MRTFA: variants seen among roughly 807,000 people sequenced by gnomAD.
MRTFA encodes myocardin related transcription factor A, also known as myocardin-related transcription factor A.
A neutral mutation model predicts 83.5 loss-of-function variants in MRTFA; 20 were observed. The observed-to-expected ratio is 0.24, with a 90% CI of 0.17 to 0.35. The LOEUF (loss-of-function observed/expected upper bound fraction) is 0.35, where lower values mean the gene tolerates loss of function less well. Ranked by LOEUF, MRTFA falls within the 10% of genes least tolerant of loss-of-function variation. MRTFA has a pLI of 1.00. For synonymous variants in MRTFA, 659 were observed against 541.2 expected (o/e 1.22, Z -3.02); for missense variants, 1,200 against 1,224.7 (o/e 0.98, Z 0.30).
Position 40,488,648 on chromosome 22 carries a change from G to A in MRTFA, c.242-25362C>T, listed in dbSNP as rs59297850. On this transcript the variant is annotated intron_variant, in intron 3 of 14. Transcript: ENST00000355630. ...GGAGTTCGAGACCAGCCTGGCTAAC[G>A]TGGTGAAACCCTGTCTCTACTAAAA... is the stretch of plus-strand genomic sequence containing the variant. Among the ~76,000 whole-genome samples the A allele has an allele frequency of 6.9e-3, 1,047 of 152,086 alleles. 11 individuals are homozygous for A. Among genetic ancestry groups the A allele is most frequent in the African/African-American group, 0.024 (1,004 of 41,476 alleles).
intron 1 of MRTFA, among the ~76,000 whole-genome samples, chr22:40,607,900 G>A (rs1602489741): frequency 6.6e-6 from 1 of 152,304 alleles, no homozygotes; most frequent in African/African-American, 2.4e-5. Context: ...CTGAGATTTA[G>A]ACTTTGGGAT....
In MRTFA at chr22:40,546,876, C is replaced by T. The variant is rs969924994; in HGVS notation, c.241+5230G>A. Among the ~76,000 whole-genome samples, 11 of 152,258 alleles carry T rather than the reference C, an allele frequency of 7.2e-5. No individual in the cohort carries two copies. The East Asian group carries it at 2.1e-3, about 29-fold the overall frequency. On this transcript the variant is annotated intron_variant, in intron 3 of 14. Transcript: ENST00000355630. ...TGATTCATTCAATAAATATTTATTG[C>T]CAGGCGCGGTGGATCACGCCTGTAA...
intron 2 of MRTFA, among the ~76,000 whole-genome samples, chr22:40,591,079 G>A (rs9623196): frequency 0.012 from 1,847 of 152,234 alleles, 31 homozygotes; most frequent in African/African-American, 0.042. Flanking sequence ...AGGCTGCAGT[G>A]AGCTGAGATC....
chr22:40,446,136 T>A (rs1272004765), intron 4 of MRTFA, among the ~76,000 whole-genome samples: 2 of 152,214 alleles, frequency 1.3e-5, no homozygotes, highest in African/African-American at 4.8e-5. Context: ...TGACACCAGA[T>A]CTGTCTTTGT....
intron 1 of MRTFA, among the ~76,000 whole-genome samples, chr22:40,602,677 TAAA>T (rs133031): frequency 5.4e-5 from 7 of 128,708 alleles, no homozygotes; most frequent in Non-Finnish European, 5.1e-5. Flanking sequence ...CATCTCCACT[TAAA>T]AAAAAAAAAA....
chr22:40,501,027 C>G (rs2054462698), intron 3 of MRTFA, among the ~76,000 whole-genome samples: 1 of 119,590 alleles, frequency 8.4e-6, no homozygotes, highest in African/African-American at 3.5e-5. Flanking sequence ...GGGGGGCTGA[C>G]CCCCCAACCT....
chr22:40,550,341 G>T (rs1340892441), intron 3 of MRTFA, among the ~76,000 whole-genome samples: 1 of 151,870 alleles, frequency 6.6e-6, no homozygotes, highest in Non-Finnish European at 1.5e-5. Context: ...CTTTGAAAAA[G>T]AAAAAGGTAA....
chr22:40,520,145 C>G (rs1476193777), intron 3 of MRTFA, among the ~76,000 whole-genome samples: 1 of 152,170 alleles, frequency 6.6e-6, no homozygotes, highest in Non-Finnish European at 1.5e-5. Context: ...TGCTGTCACT[C>G]TAGAGAAACC....
At chr22:40,430,966 A>G (rs948098318) in intron 6 of MRTFA, among the ~76,000 whole-genome samples, 1 of 152,084 alleles carries the variant, frequency 6.6e-6, no homozygotes, top group Non-Finnish European at 1.5e-5. Flanking sequence ...GGAGCACGGT[A>G]TATCACAGAC....
At chr22:40,424,081 A>G in intron 8 of MRTFA, 125 bp downstream of exon 8, 5 of 1,077,184 alleles carry the variant, frequency 4.6e-6, no homozygotes, top group Non-Finnish European at 6.4e-6. Flanking sequence ...CTAAGCAACT[A>G]GGGTAGCATC....
intron 3 of MRTFA, among the ~76,000 whole-genome samples, chr22:40,511,910 C>T (rs1269353830): frequency 6.6e-6 from 1 of 152,176 alleles, no homozygotes; most frequent in Non-Finnish European, 1.5e-5. Flanking sequence ...ATCCAGCCTT[C>T]CTTTTAAGGC....
intron 3 of MRTFA, among the ~76,000 whole-genome samples, chr22:40,478,495 C>T (rs1443930705): frequency 6.6e-6 from 1 of 152,156 alleles, no homozygotes; most frequent in African/African-American, 2.4e-5. Context: ...CACGGAGGGC[C>T]TTTTCCTCTT....
At chr22:40,561,267 G>C (rs1000573492) in intron 2 of MRTFA, among the ~76,000 whole-genome samples, 2 of 151,460 alleles carry the variant, frequency 1.3e-5, no homozygotes, top group Admixed American at 6.6e-5. Flanking sequence ...CAAATCAACT[G>C]AACAAGTGTT....
chr22:40,489,851 C>A (rs574685844), intron 3 of MRTFA, among the ~76,000 whole-genome samples: 53 of 151,172 alleles, frequency 3.5e-4, no homozygotes, highest in African/African-American at 1.3e-3. Flanking sequence ...TGGTGGCGAG[C>A]ACCTGTAATC....
chr22:40,429,637 A>G lies in MRTFA; in HGVS notation c.570T>C (p.Pro190=). ...TGGCTTCCTTCAGGCTGGACTCAAC[A>G]GGAAGGATGTTCTTCTCCACCAGCT... The change falls in exon 7 of 15, where the codon CCT becomes CCC. Residue 190 remains proline (P), a synonymous_variant. Coordinates refer to ENST00000355630, the MANE Select transcript of MRTFA (RefSeq NM_020831.6). The G allele has an allele frequency of 6.2e-7, 1 of 1,614,088 alleles. No individual in the cohort carries two copies. Among genetic ancestry groups the G allele is most frequent in the East Asian group, 2.2e-5 (1 of 44,872 alleles).
chr22:40,448,944 C>G (rs1190433990), intron 4 of MRTFA, among the ~76,000 whole-genome samples: 2 of 152,140 alleles, frequency 1.3e-5, no homozygotes, highest in Non-Finnish European at 2.9e-5. Flanking sequence ...ATCTTATATG[C>G]AAAAGCGTCA....
At chr22:40,516,968 G>A (rs1238381284) in intron 3 of MRTFA, among the ~76,000 whole-genome samples, 1 of 151,708 alleles carries the variant, frequency 6.6e-6, no homozygotes, top group Non-Finnish European at 1.5e-5. Context: ...TGTCACCCAG[G>A]CTGGAGTGCA....
At chr22:40,470,423 T>A (rs1284459860) in intron 3 of MRTFA, among the ~76,000 whole-genome samples, 1 of 150,930 alleles carries the variant, frequency 6.6e-6, no homozygotes, top group Admixed American at 6.6e-5. Flanking sequence ...TTTATCAAAA[T>A]TTCTGGAATA....
chr22:40,429,575 C>T lies in MRTFA; in HGVS notation c.601+31G>A, dbSNP rs761894141. On this transcript the variant is annotated intron_variant, in intron 7 of 14. Transcript: ENST00000355630. The stretch of plus-strand genomic sequence containing the variant: ...CCCTCCCCTCCTGCATCTCAGCTGC[C>T]TCTCACACAGGGTGGCTGGGTCCTC... 1.9e-6 allele frequency: 3 copies of T among 1,613,968 alleles called. No individual in the cohort carries two copies. The South Asian group carries it at 3.3e-5, about 18-fold the overall frequency.
Sources: allele counts gnomAD v4.1 joint callset (sites outside exome capture counted in the v4.1 genomes callset), GRCh38; gene constraint gnomAD v4.1.1; transcripts MANE v1.5; gene names NCBI Gene and HGNC (gene_info 2026-07-23, HGNC 2026-07-21).